The following SRCAP variants were observed in gnomAD, a reference collection of about 807,000 sequenced individuals.
SRCAP encodes Snf2 related CREBBP activator protein.
In SRCAP, 46 loss-of-function variants were observed where a neutral mutation model predicts 263.1. That is an observed-to-expected ratio of 0.17 (90% CI 0.14 to 0.22). The LOEUF is 0.22. SRCAP is among the 10% of genes least tolerant of loss of function. SRCAP has a pLI of 1.00. For synonymous variants in SRCAP, 1,813 were observed against 1,662.1 expected (o/e 1.09, Z -2.21); for missense variants, 3,695 against 4,181.9 (o/e 0.88, Z 3.21).
chr16:30,737,481 A>G lies in SRCAP; in HGVS notation c.7441A>G (p.Ile2481Val), dbSNP rs529589667. 9 of 1,590,186 alleles carry G rather than the reference A, an allele frequency of 5.7e-6. No individual in the cohort carries two copies. In the East Asian group the frequency reaches 1.8e-4, roughly 32 times the overall value. The change falls in exon 34 of 34, where the codon ATC becomes GTC. Residue 2481 changes from isoleucine to valine, a missense_variant. Ile to Val is a conservative substitution (Grantham distance 29). This residue lies in a region of SRCAP where 1,207 missense variants were observed against 1,142.9 expected (regional missense o/e 1.06). Transcript: ENST00000262518. ...TCCAATAACCATTCTCCCTGTCCATATCTTGCCTTCTCCTCCCCCTCCTTC... is the reference window on the plus strand; with the variant it reads ...TCCAATAACCATTCTCCCTGTCCATGTCTTGCCTTCTCCTCCCCCTCCTTC... ...PNPITILPVH[I>V]LPSPPPPSQI...
rs917355732 is a variant in SRCAP at position 30,721,374 on chromosome 16, A to T, written c.3439A>T (p.Thr1147Ser). 1.2e-6 allele frequency: 2 copies of T among 1,613,904 alleles called. No homozygotes were observed. Among genetic ancestry groups the T allele is most frequent in the Non-Finnish European group, 1.7e-6 (2 of 1,180,002 alleles). The change falls in exon 21 of 34, where the codon ACT becomes TCT. Residue 1147 changes from threonine (T) to serine (S), a missense_variant. Physicochemically the swap from Thr to Ser is moderately conservative, Grantham distance 58 (BLOSUM62 1). Transcript: ENST00000262518. ...YTFPPAAATTTSTTTATATTT... is the reference protein window; with the variant it reads ...YTFPPAAATTSSTTTATATTT... Reference sequence around the variant, plus strand: ...CTTCCCTCCTGCTGCTGCCACCACCACTTCTACCACCACGGCAACTGCTAC... The same window carrying T: ...CTTCCCTCCTGCTGCTGCCACCACCTCTTCTACCACCACGGCAACTGCTAC...
chr16:30,714,829 A>T (rs999518718), intron 16 of SRCAP, among the ~76,000 whole-genome samples: 1 of 151,478 alleles, frequency 6.6e-6, no homozygotes, highest in East Asian at 1.9e-4. Flanking sequence ...GTTTTTTTTT[A>T]AATGGTGATG....
intron 8 of SRCAP, 124 bp from the exon 9 acceptor site, chr16:30,710,630 T>C: frequency 1.0e-6 from 1 of 991,226 alleles, no homozygotes. Flanking sequence ...TGCCCTGGGA[T>C]TATACCAGTG....
At position 30,739,397 on chromosome 16, in the gene SRCAP, G is replaced by A. The variant is rs762022841; in HGVS notation, c.9357G>A (p.Ser3119=). ...TCTCACTAACCCCAAAACTGCGCTC[G>A]ACCCGGCTGCGTCCAGGGTCTCTAG... ...PVVSLTPKLR[S]TRLRPGSLVP... is the part of the protein sequence containing the mutation. The change falls in exon 34 of 34, where the codon TCG becomes TCA. Residue 3119 remains serine, a synonymous_variant. Transcript: ENST00000262518. The A allele has an allele frequency of 6.8e-6, 11 of 1,614,050 alleles. No individual in the cohort carries two copies. Among genetic ancestry groups the A allele is most frequent in the Admixed American group, 1.7e-5 (1 of 60,004 alleles).
intron 18 of SRCAP, 75 bp from the exon 19 acceptor site, chr16:30,720,087 G>A (rs937070174): frequency 3.3e-6 from 5 of 1,498,132 alleles, no homozygotes; most frequent in South Asian, 1.3e-5. Context: ...AAGGATAATG[G>A]CCTCCAGCTA....
At chr16:30,722,796 C>A (rs776604380) in intron 23 of SRCAP, 48 bp downstream of exon 23, 1 of 1,575,292 alleles carries the variant, frequency 6.3e-7, no homozygotes, top group East Asian at 2.3e-5. Context: ...CTTGGTCCTT[C>A]CAGGCATGCG....
At chr16:30,728,077 C>T (rs962671267) in intron 25 of SRCAP, among the ~76,000 whole-genome samples, 3 of 152,042 alleles carry the variant, frequency 2.0e-5, no homozygotes, top group Admixed American at 6.5e-5. Context: ...ACCTTTTTTC[C>T]CTCACATAGA....
rs1422865655 is a variant in SRCAP, at chr16:30,724,208, C to T, written c.4784C>T (p.Thr1595Ile). Residue 1595 changes from threonine (T) to isoleucine (I), a missense_variant, in exon 25 of 34, where the codon ACA (threonine) becomes ATA (isoleucine). Thr to Ile is a moderately conservative substitution (Grantham distance 89). Around this residue, in one of 12 missense-constraint regions of SRCAP, gnomAD observed 1,347 missense variants for 1,304.4 expected, o/e 1.03. Coordinates refer to ENST00000262518, the MANE Select transcript of SRCAP (RefSeq NM_006662.3). ...TPLAPMAAPQ[T>I]AILAPSPAPP... is the part of the protein sequence containing the mutation. ...CTGGCTCCTATGGCGGCTCCACAGA[C>T]AGCAATTCTGGCTCCTTCTCCAGCT... 2 of 1,614,118 alleles carry T rather than the reference C, an allele frequency of 1.2e-6. No homozygotes were observed. The highest frequency in any genetic ancestry group is 1.7e-5 in the Admixed American group (1 of 60,018).
chr16:30,724,542 C>A lies in SRCAP; in HGVS notation c.5118C>A (p.Asn1706Lys). 2 of 1,614,190 alleles carry A rather than the reference C, an allele frequency of 1.2e-6. No homozygotes were observed. The highest frequency in any genetic ancestry group is 1.7e-6 in the Non-Finnish European group (2 of 1,180,040). The change falls in exon 25 of 34, where the codon AAC (asparagine) becomes AAA (lysine). Residue 1706 changes from asparagine (N) to lysine (K), a missense_variant. Physicochemically the swap from Asn to Lys is moderately conservative, Grantham distance 94. Coordinates refer to ENST00000262518, the MANE Select transcript of SRCAP (RefSeq NM_006662.3). The stretch of plus-strand genomic sequence containing the variant: ...AGACACTCTCTTTGGGAACGGGGAA[C>A]CCCCAGGGACCCTTTCCAACTCAGA... ...PSQTLSLGTG[N>K]PQGPFPTQTL...
In SRCAP at chr16:30,733,414, C is replaced by T. The variant is rs1458519654; in HGVS notation, c.6262C>T (p.Arg2088Cys). 1.2e-6 allele frequency: 2 copies of T among 1,614,082 alleles called. No individual in the cohort carries two copies. Among genetic ancestry groups the T allele is most frequent in the South Asian group, 1.1e-5 (1 of 91,080 alleles). Reference sequence around the variant, plus strand: ...CACCTACCATGGCCATCTCTACCTGCGCCTGGATGGATCTACTAGAGTTGA... The same window carrying T: ...CACCTACCATGGCCATCTCTACCTGTGCCTGGATGGATCTACTAGAGTTGA... ...FLTYHGHLYL[R>C]LDGSTRVEQR... The change falls in exon 28 of 34, where the codon CGC becomes TGC. Residue 2088 changes from arginine (R) to cysteine (C), a missense_variant. Arg to Cys is a radical substitution (Grantham distance 180). Transcript: ENST00000262518. This position sits in a 1 kb window ranked among gnomAD's most constrained non-coding sequence, Gnocchi z 5.3.
rs191080503 is a variant in SRCAP at position 30,707,915 on chromosome 16, C to T, written c.633+203C>T. On this transcript the variant is annotated intron_variant, in intron 6 of 33. Transcript: ENST00000262518. ...TTGTTAATAGTTCTCCTTGACACCTCTAGGCCATCTGTCCCTTGCAGGGCA... is the reference window on the plus strand; with the variant it reads ...TTGTTAATAGTTCTCCTTGACACCTTTAGGCCATCTGTCCCTTGCAGGGCA... Among the ~76,000 whole-genome samples the T allele has an allele frequency of 2.9e-3, 438 of 152,320 alleles. 4 individuals are homozygous for T. The highest frequency in any genetic ancestry group is 5.4e-3 in the Non-Finnish European group (364 of 68,028).
intron 16 of SRCAP, among the ~76,000 whole-genome samples, chr16:30,714,431 G>A (rs572880941): frequency 2.7e-5 from 4 of 148,064 alleles, no homozygotes; most frequent in East Asian, 4.0e-4. Flanking sequence ...GGATGGTCTC[G>A]ATCTCCTGAC....
In SRCAP at chr16:30,720,308, G is replaced by A. The variant is rs1180751942; in HGVS notation, c.2964G>A (p.Lys988=). The stretch of plus-strand genomic sequence containing the variant: ...CTCCTGACCCCCCACCCCGGCCCAA[G>A]CCAGTCAAGATGAAGGTCAACAGGT... ...ATAPDPPPRP[K]PVKMKVNRML... is the part of the protein sequence containing the mutation. The change falls in exon 19 of 34, where the codon AAG becomes AAA. Residue 988 remains lysine, a synonymous_variant. Transcript: ENST00000262518. 3.1e-6 allele frequency: 5 copies of A among 1,613,758 alleles called. No homozygotes were observed. Among genetic ancestry groups the A allele is most frequent in the African/African-American group, 1.3e-5 (1 of 74,924 alleles).
chr16:30,720,638 TTTC>T, intron 19 of SRCAP, 72 bp from the exon 20 acceptor site: 2 of 1,450,958 alleles, frequency 1.4e-6, no homozygotes, highest in African/African-American at 1.4e-5. Context: ...TCTGTTTCAT[TTTC>T]TTCTTTTCTT....
Position 30,736,266 on chromosome 16 carries a change from G to A in SRCAP, c.6796G>A (p.Ala2266Thr). The A allele has an allele frequency of 6.2e-7, 1 of 1,614,180 alleles. No individual in the cohort carries two copies. Among genetic ancestry groups the A allele is most frequent in the African/African-American group, 1.3e-5 (1 of 75,040 alleles). ...AATQAKAEQVAELAEFNENDG... is the reference protein window; with the variant it reads ...AATQAKAEQVTELAEFNENDG... Reference sequence around the variant, plus strand: ...CACCCAGGCCAAGGCTGAACAGGTGGCTGAGCTTGCAGAATTTAATGAGAA... The same window carrying A: ...CACCCAGGCCAAGGCTGAACAGGTGACTGAGCTTGCAGAATTTAATGAGAA... Residue 2266 changes from alanine to threonine, a missense_variant, in exon 32 of 34, where the codon GCT becomes ACT. By Grantham distance (58) the Ala-to-Thr change is moderately conservative. Around this residue, in one of 12 missense-constraint regions of SRCAP, gnomAD observed 91 missense variants for 150.6 expected, o/e 0.60. Coordinates refer to ENST00000262518, the MANE Select transcript of SRCAP (RefSeq NM_006662.3).
rs781264621 is a variant in SRCAP, at chr16:30,723,912, T to C, written c.4488T>C (p.Ser1496=). The C allele has an allele frequency of 2.5e-6, 4 of 1,614,046 alleles. No individual in the cohort carries two copies. The Admixed American group carries it at 6.7e-5, about 27-fold the overall frequency. ...AAPGPPSLAP[S]GASPSASALT... ...CTGGACCTCCCTCCTTGGCACCATC[T>C]GGTGCTTCCCCGTCAGCATCAGCCT... The change falls in exon 25 of 34, where the codon TCT becomes TCC. Residue 1496 remains serine (S), a synonymous_variant. Coordinates refer to ENST00000262518, the MANE Select transcript of SRCAP (RefSeq NM_006662.3).
intron 18 of SRCAP, among the ~76,000 whole-genome samples, chr16:30,717,628 T>TC (rs1345553674): frequency 1.4e-5 from 2 of 148,138 alleles, no homozygotes; most frequent in African/African-American, 2.5e-5. Context: ...TTTTTTTTTT[T>TC]TTTGAGGCGG....
At position 30,739,974 on chromosome 16, in the gene SRCAP, C is replaced by T; in HGVS notation, c.*241C>T. On this transcript the variant is annotated 3_prime_UTR_variant, in exon 34 of 34. Transcript: ENST00000262518. The stretch of plus-strand genomic sequence containing the variant: ...GCAGTGTTAAGGGTGGCAAGATAGT[C>T]TCTGTCCCCACCCCCTTGTACTTGA... 1 of 470,214 alleles carries T rather than the reference C, an allele frequency of 2.1e-6. No homozygotes were observed. Among genetic ancestry groups the T allele is most frequent in the East Asian group, 3.7e-5 (1 of 26,850 alleles). 29.1% of individuals were successfully genotyped at this position (470,214 alleles called of 1,614,324 possible).
chr16:30,699,208 A>T lies in SRCAP; in HGVS notation c.-318A>T, dbSNP rs1017914224. The T allele has an allele frequency of 1.5e-5, 6 of 398,686 alleles. No individual in the cohort carries two copies. Among genetic ancestry groups the T allele is most frequent in the Middle Eastern group, 6.3e-4 (1 of 1,590 alleles). The allele number at this position is 398,686 out of a possible 1,614,324, so 24.7% of individuals were successfully genotyped here. On this transcript the variant is annotated 5_prime_UTR_variant, in exon 1 of 34. Coordinates refer to ENST00000262518, the MANE Select transcript of SRCAP (RefSeq NM_006662.3). ...GGAGGGCTAGGGAGATGGTCACGAA[A>T]CCTGAAGTCAAGAGTTAAGGCTTGT...
Sources: gnomAD v4.1 joint callset for allele counts (sites outside exome capture counted in the v4.1 genomes callset) on GRCh38, gnomAD v4.1.1 for gene constraint, gnomAD v4.1.1 regional missense constraint, Gnocchi (gnomAD v3.1) non-coding constraint, MANE v1.5 for transcripts, NCBI Gene and HGNC (gene_info 2026-07-23, HGNC 2026-07-21) for gene names.